Variants in TXNRD3 observed in about 807,000 individuals in gnomAD.
TXNRD3 encodes the protein thioredoxin reductase 3, also known as TXNRD3 neighbor gene protein.
A neutral mutation model predicts 78.2 loss-of-function variants in TXNRD3; 68 were observed. That is an observed-to-expected ratio of 0.87 (90% CI 0.72 to 1.06). The LOEUF (loss-of-function observed/expected upper bound fraction) is 1.06. Ranked by LOEUF, TXNRD3 falls within the 50% of genes least tolerant of loss-of-function variation. The pLI is 0.00. For synonymous variants in TXNRD3, 296 were observed against 300.1 expected (o/e 0.99, Z 0.14); for missense variants, 751 against 809.5 (o/e 0.93, Z 0.88).
intron 6 of TXNRD3, among the ~76,000 whole-genome samples, chr3:126,638,202 C>A (rs1576292771): frequency 1.3e-5 from 2 of 152,178 alleles, no homozygotes; most frequent in South Asian, 4.1e-4. Context: ...CTCGGTCTCC[C>A]AAAGGACTGG....
intron 10 of TXNRD3, among the ~76,000 whole-genome samples, chr3:126,627,512 C>T (rs1280898245): frequency 2.0e-5 from 3 of 152,136 alleles, no homozygotes; most frequent in Non-Finnish European, 4.4e-5. Flanking sequence ...CTGAACTGTA[C>T]ACCTAGGATC....
At chr3:126,650,411 G>GA (rs1559781024) in intron 1 of TXNRD3, among the ~76,000 whole-genome samples, 1 of 54,568 alleles carries the variant, frequency 1.8e-5, no homozygotes, top group Admixed American at 2.5e-4. Context: ...GGGAGGCCAG[G>GA]CGGTGGATCA....
Position 126,623,858 on chromosome 3 carries a change from A to AG in TXNRD3, c.1291-1319_1291-1318insC, listed in dbSNP as rs202015966. Among the ~76,000 whole-genome samples, 23 of 150,892 alleles carry AG rather than the reference A, an allele frequency of 1.5e-4. 1 individual carries two copies. Among genetic ancestry groups the AG allele is most frequent in the Non-Finnish European group, 2.7e-4 (18 of 67,620 alleles). On this transcript the variant is annotated intron_variant, in intron 10 of 15. Transcript: ENST00000524230. ...TTAGCCAGTGAAACAAGGCCAAAAA[A>AG]AAAAAAAAAAAAGATTAAAAGCATG...
chr3:126,621,601 T>C (rs1576284284), intron 12 of TXNRD3, 141 bp downstream of exon 12: 3 of 765,114 alleles, frequency 3.9e-6, no homozygotes, highest in East Asian at 5.6e-5. Flanking sequence ...TTTTAATCCA[T>C]TAGTAAATAG....
chr3:126,621,336 T>C (rs1236159629), intron 12 of TXNRD3, among the ~76,000 whole-genome samples: 1 of 152,224 alleles, frequency 6.6e-6, no homozygotes, highest in African/African-American at 2.4e-5. Flanking sequence ...AGAGCTCCTA[T>C]GCTATTACAG....
intron 9 of TXNRD3, 37 bp from the exon 10 acceptor site, chr3:126,629,508 T>C (rs1938661672): frequency 1.4e-6 from 2 of 1,469,662 alleles, no homozygotes; most frequent in Non-Finnish European, 1.8e-6. Flanking sequence ...GTTATCTAAA[T>C]ATGATAAAAA....
chr3:126,608,010 G>A (rs1018721742), intron 15 of TXNRD3, 37 bp from the exon 16 acceptor site: 2 of 1,378,644 alleles, frequency 1.5e-6, no homozygotes, highest in African/African-American at 1.4e-5. Flanking sequence ...ATATTTAGAT[G>A]TTAGTATTGT....
intron 4 of TXNRD3, 74 bp from the exon 5 acceptor site, chr3:126,644,127 TC>T: frequency 6.8e-7 from 1 of 1,472,918 alleles, no homozygotes; most frequent in Non-Finnish European, 9.1e-7. Flanking sequence ...ATCTTTGTCT[TC>T]CGTAAAAGAC....
At chr3:126,646,274 G>A in intron 2 of TXNRD3, 54 bp from the exon 3 acceptor site, 3 of 1,312,370 alleles carry the variant, frequency 2.3e-6, no homozygotes, top group Non-Finnish European at 3.0e-6. Context: ...TCAAATCTTT[G>A]TGAGTTAAAC....
chr3:126,640,198 G>A (rs529583081), intron 6 of TXNRD3, among the ~76,000 whole-genome samples: 2 of 11,188 alleles, frequency 1.8e-4, no homozygotes, highest in African/African-American at 3.2e-4. Context: ...TCCGCCTCCC[G>A]GGTTCACGCC....
At chr3:126,626,721 T>A (rs1265804764) in intron 10 of TXNRD3, among the ~76,000 whole-genome samples, 1 of 152,204 alleles carries the variant, frequency 6.6e-6, no homozygotes. Flanking sequence ...GGGAAACTGT[T>A]TGGTAGTTTC....
Position 126,644,030 on chromosome 3 carries a change from T to C in TXNRD3, c.543A>G (p.Lys181=). ...GGACAACAAAGTCTAGCACCATAACTTTCTTTCCCAAAATGGCAGCTTCCT... is the reference window on the plus strand; with the variant it reads ...GGACAACAAAGTCTAGCACCATAACCTTCTTTCCCAAAATGGCAGCTTCCT... The change falls in exon 5 of 16, where the codon AAA becomes AAG. Residue 181 remains lysine, a synonymous_variant. Transcript: ENST00000524230. The C allele has an allele frequency of 6.5e-7, 1 of 1,536,046 alleles. No individual in the cohort carries two copies. Among genetic ancestry groups the C allele is most frequent in the Non-Finnish European group, 8.7e-7 (1 of 1,146,902 alleles).
chr3:126,613,113 A>C (rs917734568), intron 13 of TXNRD3, among the ~76,000 whole-genome samples: 5 of 152,216 alleles, frequency 3.3e-5, no homozygotes, highest in African/African-American at 1.2e-4. Context: ...TAATTTTTAA[A>C]GCTCTGCTGT....
rs1049246272 is a variant in TXNRD3, at chr3:126,646,169, G to A, written c.356C>T (p.Thr119Ile). ...TTTATTCACGAAAATATTGGGCACAGTTTTCTGATTAGTGATTTCTGACAG... is the reference window on the plus strand; with the variant it reads ...TTTATTCACGAAAATATTGGGCACAATTTTCTGATTAGTGATTTCTGACAG... Residue 119 changes from threonine (T) to isoleucine (I), a missense_variant, in exon 3 of 16, where the codon ACT becomes ATT. Physicochemically the swap from Thr to Ile is moderately conservative, Grantham distance 89. Coordinates refer to ENST00000524230, the MANE Select transcript of TXNRD3 (RefSeq NM_052883.3). The A allele has an allele frequency of 2.0e-6, 3 of 1,534,198 alleles. No homozygotes were observed. Among genetic ancestry groups the A allele is most frequent in the Non-Finnish European group, 2.6e-6 (3 of 1,146,150 alleles).
Position 126,654,746 on chromosome 3 carries a change from A to T in TXNRD3, c.243+2T>A. 1 of 1,344,156 alleles carries T rather than the reference A, an allele frequency of 7.4e-7. No homozygotes were observed. Among genetic ancestry groups the T allele is most frequent in the South Asian group, 1.9e-5 (1 of 53,394 alleles). 83.3% of individuals were successfully genotyped at this position (1,344,156 alleles called of 1,614,324 possible). On this transcript the variant is annotated splice_donor_variant, in intron 1 of 15. Transcript: ENST00000524230. LOFTEE classifies it high-confidence loss of function. Reference sequence around the variant, plus strand: ...GGTGGAACCGGCGAGGGCCGCGCCTACCCGAGTACTATGGGGACAGTAGCT... The same window carrying T: ...GGTGGAACCGGCGAGGGCCGCGCCTTCCCGAGTACTATGGGGACAGTAGCT...
intron 6 of TXNRD3, among the ~76,000 whole-genome samples, chr3:126,634,329 C>A (rs146829298): frequency 3.0e-4 from 45 of 152,216 alleles, no homozygotes; most frequent in Non-Finnish European, 4.4e-4. Flanking sequence ...ACGCCTGCCA[C>A]GACGTAAGGC....
At chr3:126,643,217 G>C (rs1933137650) in intron 5 of TXNRD3, among the ~76,000 whole-genome samples, 2 of 152,202 alleles carry the variant, frequency 1.3e-5, no homozygotes, top group Admixed American at 1.3e-4. Flanking sequence ...AAGCCAGAGG[G>C]CAAGGCTGCC....
chr3:126,612,645 T>C (rs537664651), intron 13 of TXNRD3, among the ~76,000 whole-genome samples: 1 of 152,336 alleles, frequency 6.6e-6, no homozygotes, highest in Admixed American at 6.5e-5. Flanking sequence ...CTATCACTTC[T>C]GCTATGAAGG....
chr3:126,630,832 A>T lies in TXNRD3; in HGVS notation c.1077T>A (p.Asp359Glu), dbSNP rs1158497141. The T allele has an allele frequency of 6.5e-7, 1 of 1,535,826 alleles. No individual in the cohort carries two copies. Among genetic ancestry groups the T allele is most frequent in the Non-Finnish European group, 8.7e-7 (1 of 1,146,896 alleles). ...GGATTGAGCGTACCATAACTGTGAC[A>T]TCTAGGCCAAAGCCAGCCAGAAACC... Residue 359 changes from aspartate (D) to glutamate (E), a missense_variant, in exon 9 of 16, where the codon GAT (aspartate) becomes GAA (glutamate). Transcript: ENST00000524230.
Sources: gnomAD v4.1 joint callset for allele counts (sites outside exome capture counted in the v4.1 genomes callset) on GRCh38, gnomAD v4.1.1 for gene constraint, MANE v1.5 for transcripts, NCBI Gene and HGNC (gene_info 2026-07-23, HGNC 2026-07-21) for gene names.